The following HSDL2 variants were observed in gnomAD, a reference collection of about 807,000 sequenced individuals.
HSDL2 encodes the protein hydroxysteroid dehydrogenase-like protein 2.
HSDL2 carries 27 observed loss-of-function variants against 46.3 expected under a neutral mutation model. The ratio of observed to expected loss-of-function variants is 0.58; its 90% CI spans 0.43 to 0.80. HSDL2 has a LOEUF of 0.80. Among genes scored for constraint, HSDL2 ranks in the 30% least tolerant of loss-of-function variants. The pLI, the probability that HSDL2 is intolerant of heterozygous loss-of-function variation, is 0.00. For missense variants in HSDL2, 451 were observed against 502.7 expected (o/e 0.90, Z 0.98); for synonymous variants, 153 against 163.6 (o/e 0.94, Z 0.50).
At chr9:112,451,863 A>G (rs145908950) in intron 8 of HSDL2, among the ~76,000 whole-genome samples, 2 of 152,186 alleles carry the variant, frequency 1.3e-5, no homozygotes, top group Non-Finnish European at 2.9e-5. Context: ...TGGTGTTAGC[A>G]ATTAGGAGGG....
At chr9:112,444,530 G>C (rs993583104) in intron 8 of HSDL2, among the ~76,000 whole-genome samples, 1 of 152,012 alleles carries the variant, frequency 6.6e-6, no homozygotes, top group African/African-American at 2.4e-5. Context: ...TTGAGCCCAG[G>C]AGTTCAAGAC....
intron 5 of HSDL2, among the ~76,000 whole-genome samples, chr9:112,417,965 C>T (rs1832031442): frequency 2.0e-5 from 3 of 152,078 alleles, no homozygotes; most frequent in Admixed American, 1.3e-4. Context: ...GTAATCCCAG[C>T]TACTCGGAGG....
chr9:112,463,259 CT>C (rs59947984), intron 10 of HSDL2, among the ~76,000 whole-genome samples: 125,599 of 139,044 alleles, frequency 0.9, 56,589 homozygotes, highest in South Asian at 0.96. Flanking sequence ...TGATATTTAA[CT>C]TTTTTTTTTT....
At chr9:112,426,879 C>G (rs1832258608) in intron 6 of HSDL2, among the ~76,000 whole-genome samples, 1 of 152,092 alleles carries the variant, frequency 6.6e-6, no homozygotes, top group African/African-American at 2.4e-5. Context: ...TGAAAAAAGT[C>G]AAACATATGT....
intron 8 of HSDL2, among the ~76,000 whole-genome samples, chr9:112,452,486 C>G (rs1832910507): frequency 6.6e-6 from 1 of 152,206 alleles, no homozygotes; most frequent in Non-Finnish European, 1.5e-5. Context: ...GTGGCTCACG[C>G]CTGCAATCCC....
At chr9:112,397,968 G>A (rs1269010710) in intron 1 of HSDL2, among the ~76,000 whole-genome samples, 2 of 152,108 alleles carry the variant, frequency 1.3e-5, no homozygotes, top group Non-Finnish European at 2.9e-5. Context: ...TAATCCACTT[G>A]TTTCTTTTTT....
At chr9:112,454,289 T>TG (rs1832962344) in intron 9 of HSDL2, 127 bp downstream of exon 9, 2 of 681,628 alleles carry the variant, frequency 2.9e-6, no homozygotes, top group Non-Finnish European at 4.9e-6. Context: ...TACTCTTGAA[T>TG]GTAGACATTC....
At chr9:112,405,530 A>G in intron 2 of HSDL2, 94 bp from the exon 3 acceptor site, 1 of 809,644 alleles carries the variant, frequency 1.2e-6, no homozygotes. Flanking sequence ...TTTTCTGAAA[A>G]CAGGGTACTT....
At chr9:112,427,793 C>T (rs1438835190) in intron 6 of HSDL2, among the ~76,000 whole-genome samples, 1 of 152,090 alleles carries the variant, frequency 6.6e-6, no homozygotes, top group Non-Finnish European at 1.5e-5. Context: ...TGTTTATTCC[C>T]ATTCTTCTTT....
intron 5 of HSDL2, among the ~76,000 whole-genome samples, chr9:112,417,767 A>C (rs1832025226): frequency 1.3e-5 from 2 of 150,484 alleles, no homozygotes; most frequent in South Asian, 4.2e-4. Flanking sequence ...CCTTTAAATA[A>C]ACACTTTCAT....
chr9:112,442,268 CAAAAAAAAAAAAAA>C (rs71382431), intron 8 of HSDL2, among the ~76,000 whole-genome samples: 2 of 47,442 alleles, frequency 4.2e-5, no homozygotes, highest in Admixed American at 2.9e-4. Flanking sequence ...GACCCTGTCT[CAAAAAAAAAAAAAA>C]AAAAAAAAAA....
intron 1 of HSDL2, among the ~76,000 whole-genome samples, chr9:112,391,412 A>G (rs138347076): frequency 6.6e-6 from 1 of 152,090 alleles, no homozygotes; most frequent in Non-Finnish European, 1.5e-5. Flanking sequence ...AGGAGGTTAT[A>G]CTGAGTTGTG....
intron 8 of HSDL2, among the ~76,000 whole-genome samples, chr9:112,449,080 GTTTTT>G (rs59586435): frequency 1.3e-4 from 15 of 118,952 alleles, no homozygotes; most frequent in African/African-American, 3.8e-4. Context: ...TCTTTCCTCT[GTTTTT>G]TTTTTTTTTT....
intron 9 of HSDL2, among the ~76,000 whole-genome samples, chr9:112,455,699 T>A (rs1833002009): frequency 6.6e-6 from 1 of 152,222 alleles, no homozygotes; most frequent in South Asian, 2.1e-4. Flanking sequence ...GTGACTATCT[T>A]AAACTTTCTC....
At chr9:112,448,532 CTTTCCTTCTTTCTCTCTCT>C (rs199564041) in intron 8 of HSDL2, among the ~76,000 whole-genome samples, 6 of 14,544 alleles carry the variant, frequency 4.1e-4, no homozygotes, top group African/African-American at 1.1e-3. Flanking sequence ...TCCTTTCTTT[CTTTCCTTCTTTCTCTCTCT>C]TTTTATTTTT....
intron 3 of HSDL2, among the ~76,000 whole-genome samples, chr9:112,408,147 C>G (rs1053889464): frequency 1.3e-5 from 2 of 152,168 alleles, no homozygotes; most frequent in East Asian, 3.8e-4. Context: ...GAGCCTTTCC[C>G]TTTAAGTGAG....
intron 6 of HSDL2, among the ~76,000 whole-genome samples, chr9:112,429,325 A>C (rs777137763): frequency 6.6e-5 from 10 of 152,250 alleles, no homozygotes; most frequent in Non-Finnish European, 1.3e-4. Flanking sequence ...GGTGCAAGGC[A>C]ACATGGGTAC....
intron 3 of HSDL2, 129 bp downstream of exon 3, chr9:112,405,851 C>A: frequency 1.6e-6 from 1 of 622,396 alleles, no homozygotes; most frequent in Non-Finnish European, 2.8e-6. Flanking sequence ...TTTGCTCACA[C>A]AGAACATGAT....
chr9:112,437,604 A>C (rs1832555939), intron 6 of HSDL2, among the ~76,000 whole-genome samples: 1 of 152,146 alleles, frequency 6.6e-6, no homozygotes, highest in Admixed American at 6.5e-5. Flanking sequence ...CAGGTGTTAA[A>C]GAGGCGAAAC....
Sources: allele counts gnomAD v4.1 joint callset (sites outside exome capture counted in the v4.1 genomes callset), GRCh38; gene constraint gnomAD v4.1.1; transcripts MANE v1.5; gene names NCBI Gene and HGNC (gene_info 2026-07-23, HGNC 2026-07-21).